RASGRF1: variants seen among roughly 807,000 people sequenced by gnomAD.
The protein encoded by RASGRF1 is ras-specific guanine nucleotide-releasing factor 1.
A neutral mutation model predicts 138.7 loss-of-function variants in RASGRF1; 40 were observed. The observed-to-expected ratio is 0.29, with a 90% CI of 0.22 to 0.38. RASGRF1 has a LOEUF of 0.38. Ranked by LOEUF, RASGRF1 falls within the 10% of genes least tolerant of loss-of-function variation. The pLI, the probability that RASGRF1 is intolerant of heterozygous loss-of-function variation, is 1.00. For synonymous variants in RASGRF1, 614 were observed against 663.2 expected (o/e 0.93, Z 1.14); for missense variants, 1,108 against 1,650.4 (o/e 0.67, Z 5.69).
chr15:79,016,685 G>C (rs943937878), intron 12 of RASGRF1, among the ~76,000 whole-genome samples: 1 of 152,232 alleles, frequency 6.6e-6, no homozygotes, highest in Non-Finnish European at 1.5e-5. Context: ...GGAAGACTCA[G>C]AACAGGCACG....
rs2056677524 is a variant in RASGRF1 at position 79,006,513 on chromosome 15, G to T, written c.1827-79C>A. On this transcript the variant is annotated intron_variant, in intron 13 of 26. Transcript: ENST00000558480. The surrounding 1 kb of genome is among the most constrained non-coding windows in gnomAD (Gnocchi z 4.0). ...GCACCCACCAGGCCTGCTCATCACTGCTTCCCCCACACACTGACAACACAG... is the reference window on the plus strand; with the variant it reads ...GCACCCACCAGGCCTGCTCATCACTTCTTCCCCCACACACTGACAACACAG... The T allele has an allele frequency of 2.0e-6, 3 of 1,495,802 alleles. No individual in the cohort carries two copies. In the South Asian group the frequency reaches 3.8e-5, roughly 19 times the overall value. 92.7% of individuals were successfully genotyped at this position (1,495,802 alleles called of 1,614,324 possible).
At chr15:79,019,897 A>G (rs975132720) in intron 11 of RASGRF1, 144 bp downstream of exon 11, 2 of 903,422 alleles carry the variant, frequency 2.2e-6, no homozygotes, top group Non-Finnish European at 3.4e-6. Flanking sequence ...GGGTGTGTGC[A>G]TGAGGGCATG....
chr15:79,081,535 A>C (rs577191851), intron 1 of RASGRF1, among the ~76,000 whole-genome samples: 22 of 152,204 alleles, frequency 1.4e-4, no homozygotes, highest in Non-Finnish European at 2.8e-4. Flanking sequence ...GACATAGCAC[A>C]CAGGCTTTTA....
intron 24 of RASGRF1, chr15:78,978,748 G>C: frequency 8.9e-7 from 1 of 1,117,834 alleles, no homozygotes; most frequent in East Asian, 6.4e-5. Flanking sequence ...AGAGCCTCAG[G>C]AGAGGGGGTG....
At chr15:79,068,570 T>A (rs2057711436) in intron 1 of RASGRF1, among the ~76,000 whole-genome samples, 1 of 148,608 alleles carries the variant, frequency 6.7e-6, no homozygotes, top group African/African-American at 2.5e-5. Flanking sequence ...TATCGATGTA[T>A]CATATATATA....
At chr15:78,962,294 T>C in intron 26 of RASGRF1, 58 bp from the exon 27 acceptor site, 9 of 1,236,384 alleles carry the variant, frequency 7.3e-6, no homozygotes, top group Non-Finnish European at 1.0e-5. Flanking sequence ...ATAGTACTGA[T>C]TGTGGATGCA....
At chr15:78,976,559 A>AACACACACACACACACACACACAC (rs58602180) in intron 24 of RASGRF1, among the ~76,000 whole-genome samples, 1 of 148,662 alleles carries the variant, frequency 6.7e-6, no homozygotes, top group Non-Finnish European at 1.5e-5. Flanking sequence ...CACTCAATCA[A>AACACACACACACACACACACACAC]ACACACACAC....
At chr15:78,990,749 G>A (rs936917883) in intron 21 of RASGRF1, among the ~76,000 whole-genome samples, 1 of 152,256 alleles carries the variant, frequency 6.6e-6, no homozygotes, top group Non-Finnish European at 1.5e-5. Flanking sequence ...ACATCATAAA[G>A]TGACAGGGAG....
intron 10 of RASGRF1, among the ~76,000 whole-genome samples, chr15:79,020,923 A>G (rs112214927): frequency 3.3e-4 from 51 of 152,330 alleles, no homozygotes; most frequent in African/African-American, 1.2e-3. Flanking sequence ...GCCACTTTGG[A>G]GACCACATTC....
intron 1 of RASGRF1, among the ~76,000 whole-genome samples, chr15:79,070,651 G>C (rs2057743085): frequency 6.6e-6 from 1 of 152,192 alleles, no homozygotes; most frequent in South Asian, 2.1e-4. Flanking sequence ...GGCATAAGAA[G>C]AGTCCCTTCC....
chr15:79,079,402 T>G (rs2057883113), intron 1 of RASGRF1, among the ~76,000 whole-genome samples: 1 of 151,930 alleles, frequency 6.6e-6, no homozygotes, highest in East Asian at 1.9e-4. Context: ...TGCGGCTCCA[T>G]TTGTAATAGC....
chr15:79,016,231 G>T lies in RASGRF1; in HGVS notation c.1744-822C>A, dbSNP rs556381742. Among the ~76,000 whole-genome samples the T allele has an allele frequency of 7.9e-4, 120 of 152,316 alleles. 1 individual carries two copies. The highest frequency in any genetic ancestry group is 8.8e-5 in the Non-Finnish European group (6 of 68,026). On this transcript the variant is annotated intron_variant, in intron 12 of 26. Transcript: ENST00000558480. Reference sequence around the variant, plus strand: ...GGTTTTGAGAATGTGTGTGTTGCAGGGAGGAGGGTGTCAAAGTCATTGGGA... The same window carrying T: ...GGTTTTGAGAATGTGTGTGTTGCAGTGAGGAGGGTGTCAAAGTCATTGGGA...
chr15:79,001,324 G>A (rs1026636957), intron 16 of RASGRF1, among the ~76,000 whole-genome samples: 7 of 150,468 alleles, frequency 4.7e-5, no homozygotes, highest in African/African-American at 1.7e-4. Context: ...AGCACCTTCT[G>A]AATCAGGATC....
rs575813332 is a variant in RASGRF1 at position 79,004,814 on chromosome 15, C to A, written c.2076-639G>T. The A allele has an allele frequency of 7.7e-4, 758 of 985,374 alleles. 1 individual carries two copies. The highest frequency in any genetic ancestry group is 8.9e-4 in the Non-Finnish European group (735 of 829,998). 61.0% of individuals were successfully genotyped at this position (985,374 alleles called of 1,614,324 possible). ...GCTTGTCTCATCGAGGCTGTCTGCT[C>A]CACGTTGCACACAGGATAGGATTGA... On this transcript the variant is annotated intron_variant, in intron 14 of 26. Transcript: ENST00000558480.
At chr15:79,074,319 C>A (rs1179675582) in intron 1 of RASGRF1, among the ~76,000 whole-genome samples, 1 of 152,226 alleles carries the variant, frequency 6.6e-6, no homozygotes, top group Non-Finnish European at 1.5e-5. Context: ...GGAAATTGGG[C>A]TGAGGCTCTT....
chr15:79,052,133 G>C (rs2141035831), intron 3 of RASGRF1, among the ~76,000 whole-genome samples: 1 of 152,236 alleles, frequency 6.6e-6, no homozygotes, highest in East Asian at 1.9e-4. Flanking sequence ...GTCTTGGCTG[G>C]CTCCTGCCCA....
chr15:78,968,599 A>T lies in RASGRF1; in HGVS notation c.3681+3267T>A, dbSNP rs554554411. On this transcript the variant is annotated intron_variant, in intron 26 of 26. Coordinates refer to ENST00000558480, the MANE Select transcript of RASGRF1 (RefSeq NM_001145648.3). ...ACTCCCAGCTGATATATATATATAT[A>T]TTTTTAATTGAAAATATTTTATTGC... is the stretch of plus-strand genomic sequence containing the variant. Among the ~76,000 whole-genome samples the T allele has an allele frequency of 6.7e-4, 102 of 152,122 alleles. 1 individual carries two copies. In the South Asian group the frequency reaches 8.1e-3, roughly 12 times the overall value.
chr15:78,991,614 T>C, intron 21 of RASGRF1, 77 bp downstream of exon 21: 1 of 1,168,740 alleles, frequency 8.6e-7, no homozygotes, highest in Non-Finnish European at 1.3e-6. Flanking sequence ...GGAAATTCAC[T>C]GCGTGTGCTT....
rs1315558299 is a variant in RASGRF1, at chr15:79,050,927, G to A, written c.532-1339C>T. On this transcript the variant is annotated intron_variant, in intron 3 of 26. Transcript: ENST00000558480. The surrounding 1 kb of genome is among the most constrained non-coding windows in gnomAD (Gnocchi z 4.1). ...CGTGAGCTCTAAGGGAGAAGGGATT[G>A]CAGCTGTTTCATTTATTGTGCTCCT... Among the ~76,000 whole-genome samples, 3 of 152,228 alleles carry A rather than the reference G, an allele frequency of 2.0e-5. No individual in the cohort carries two copies. The highest frequency in any genetic ancestry group is 4.4e-5 in the Non-Finnish European group (3 of 68,036).
Sources: allele counts gnomAD v4.1 joint callset (sites outside exome capture counted in the v4.1 genomes callset), GRCh38; gene constraint gnomAD v4.1.1; non-coding constraint Gnocchi (gnomAD v3.1); transcripts MANE v1.5; gene names NCBI Gene and HGNC (gene_info 2026-07-23, HGNC 2026-07-21).